RIMS2: variants seen among roughly 807,000 people sequenced by gnomAD.
The protein encoded by RIMS2 is regulating synaptic membrane exocytosis 2, also known as regulating synaptic membrane exocytosis protein 2.
In RIMS2, 59 loss-of-function variants were observed where a neutral mutation model predicts 174.4. The ratio of observed to expected loss-of-function variants is 0.34; its 90% CI spans 0.27 to 0.42. The LOEUF is 0.42. Among genes scored for constraint, RIMS2 ranks in the 10% least tolerant of loss-of-function variants. The pLI, the probability that RIMS2 is intolerant of heterozygous loss-of-function variation, is 1.00. For synonymous variants in RIMS2, 606 were observed against 572.5 expected, an observed-to-expected ratio of 1.06 and a Z score of -0.84; for missense variants, 1,620 against 1,666.3, an observed-to-expected ratio of 0.97 and a Z score of 0.48.
At chr8:103,850,382 A>G (rs1593763114) in intron 3 of RIMS2, among the ~76,000 whole-genome samples, 1 of 151,972 alleles carries the variant, frequency 6.6e-6, no homozygotes, top group African/African-American at 2.4e-5. Flanking sequence ...TGTCAAACAA[A>G]ATTCTTACTC....
chr8:103,723,116 C>CA (rs1335073085), intron 2 of RIMS2, among the ~76,000 whole-genome samples: 2 of 152,094 alleles, frequency 1.3e-5, no homozygotes, highest in African/African-American at 2.4e-5. Context: ...TGTCTCCAAA[C>CA]AAACAAACAA....
chr8:104,233,102 G>A (rs2099240063), intron 19 of RIMS2, among the ~76,000 whole-genome samples: 1 of 152,100 alleles, frequency 6.6e-6, no homozygotes, highest in South Asian at 2.1e-4. Context: ...ATCTATAGAA[G>A]AAATCTAAGG....
chr8:104,240,916 C>G (rs1423150638), intron 19 of RIMS2, among the ~76,000 whole-genome samples: 2 of 152,100 alleles, frequency 1.3e-5, no homozygotes, highest in Non-Finnish European at 2.9e-5. Context: ...TTAATACTCA[C>G]AAAAATTCCT....
At chr8:104,085,969 C>T (rs955372988) in intron 19 of RIMS2, among the ~76,000 whole-genome samples, 8 of 152,006 alleles carry the variant, frequency 5.3e-5, no homozygotes, top group African/African-American at 1.9e-4. Flanking sequence ...TTTTATTAGT[C>T]ATTACTTGGT....
At chr8:103,565,031 T>A (rs2092158426) in intron 1 of RIMS2, among the ~76,000 whole-genome samples, 1 of 152,152 alleles carries the variant, frequency 6.6e-6, no homozygotes, top group African/African-American at 2.4e-5. Context: ...ACTTGGGACT[T>A]TTACTGGGTT....
chr8:104,224,765 A>ATTTTTTTTCTGC lies in RIMS2; in HGVS notation c.3335-20143_3335-20132dup, dbSNP rs1554640869. Among the ~76,000 whole-genome samples the ATTTTTTTTCTGC allele has an allele frequency of 5.3e-5, 8 of 151,928 alleles. No homozygotes were observed. The South Asian group carries it at 1.2e-3, about 24-fold the overall frequency. On this transcript the variant is annotated intron_variant, in intron 19 of 23. Transcript: ENST00000504942. ...GCCCGTTCTAAAAACAGATTGAAAT[A>ATTTTTTTTCTGC]TTTTTTTTCTGCTTTTTTTCCTGAT... is the stretch of plus-strand genomic sequence containing the variant.
chr8:104,053,615 CACTT>C (rs1311360448), intron 19 of RIMS2, among the ~76,000 whole-genome samples: 3 of 152,134 alleles, frequency 2.0e-5, no homozygotes, highest in Non-Finnish European at 2.9e-5. Context: ...ATAATTAAAT[CACTT>C]AGTATAAATT....
chr8:104,164,504 G>T (rs1179624799), intron 19 of RIMS2, among the ~76,000 whole-genome samples: 1 of 152,084 alleles, frequency 6.6e-6, no homozygotes, highest in Non-Finnish European at 1.5e-5. Context: ...AACAATGAAA[G>T]ATATGCCATT....
At chr8:103,847,412 C>T (rs117342558) in intron 3 of RIMS2, among the ~76,000 whole-genome samples, 1,964 of 152,186 alleles carry the variant, frequency 0.013, 13 homozygotes, top group Middle Eastern at 0.027. Context: ...TGCTATCAGA[C>T]TAAAGAGTTC....
At chr8:103,968,839 A>G (rs986871465) in intron 15 of RIMS2, among the ~76,000 whole-genome samples, 4 of 151,924 alleles carry the variant, frequency 2.6e-5, no homozygotes, top group South Asian at 4.2e-4. Context: ...ATTCTGACCT[A>G]TATCTTTTTC....
chr8:103,932,644 A>G (rs2080232458), intron 12 of RIMS2, among the ~76,000 whole-genome samples: 1 of 152,192 alleles, frequency 6.6e-6, no homozygotes, highest in African/African-American at 2.4e-5. Context: ...AATTTTGAAG[A>G]GAAACATATT....
In RIMS2 at chr8:103,910,538, A is replaced by C; in HGVS notation, c.1692+337A>C. ...ATAGCCATAGTGATAAGGTACTGAG[A>C]TTGTGGAGCCTGCCTTTTAACCTGC... On this transcript the variant is annotated intron_variant, in intron 5 of 23. Transcript: ENST00000504942. The C allele has an allele frequency of 6.5e-7, 1 of 1,547,652 alleles. No homozygotes were observed. The highest frequency in any genetic ancestry group is 8.8e-7 in the Non-Finnish European group (1 of 1,134,430).
chr8:103,661,784 C>A (rs2096604397), intron 1 of RIMS2, among the ~76,000 whole-genome samples: 1 of 152,168 alleles, frequency 6.6e-6, no homozygotes, highest in Non-Finnish European at 1.5e-5. Context: ...GGATTACAGG[C>A]GTGAGCCACT....
At chr8:103,660,270 C>G (rs991951239) in intron 1 of RIMS2, among the ~76,000 whole-genome samples, 1 of 152,218 alleles carries the variant, frequency 6.6e-6, no homozygotes, top group African/African-American at 2.4e-5. Context: ...GGCTGCTTGC[C>G]GTGCCCTGCA....
intron 19 of RIMS2, among the ~76,000 whole-genome samples, chr8:104,020,441 T>A (rs1361831667): frequency 6.6e-6 from 1 of 152,060 alleles, no homozygotes; most frequent in Non-Finnish European, 1.5e-5. Flanking sequence ...TAAGTATTAG[T>A]CTCAATTTAA....
chr8:103,618,821 T>A (rs567968692), intron 1 of RIMS2, among the ~76,000 whole-genome samples: 1 of 152,236 alleles, frequency 6.6e-6, no homozygotes, highest in Non-Finnish European at 1.5e-5. Context: ...AATGAGAGTT[T>A]TCTCTGAGGG....
At chr8:103,986,899 T>TA (rs146609984) in intron 16 of RIMS2, among the ~76,000 whole-genome samples, 19,984 of 145,126 alleles carry the variant, frequency 0.14, 1,655 homozygotes, top group Non-Finnish European at 0.2. Context: ...AAAATAAAAT[T>TA]AAAAAAAAAA....
At chr8:103,826,639 T>C (rs1228326082) in intron 3 of RIMS2, among the ~76,000 whole-genome samples, 2 of 150,940 alleles carry the variant, frequency 1.3e-5, no homozygotes, top group Non-Finnish European at 3.0e-5. Context: ...TTTGTTCTTT[T>C]TGTCCAATAG....
rs1280895107 is a variant in RIMS2 at position 103,620,465 on chromosome 8, T to A, written c.177-76621T>A. Among the ~76,000 whole-genome samples, 13 of 152,312 alleles carry A rather than the reference T, an allele frequency of 8.5e-5. 1 individual carries two copies. In the East Asian group the frequency reaches 2.5e-3, roughly 29 times the overall value. ...AAAAAAATGCCTAAATTTCTATGACTACTTACTCAAGCTTATCATTATTAG... is the reference window on the plus strand; with the variant it reads ...AAAAAAATGCCTAAATTTCTATGACAACTTACTCAAGCTTATCATTATTAG... On this transcript the variant is annotated intron_variant, in intron 1 of 23. Coordinates refer to ENST00000504942, the Ensembl canonical transcript of RIMS2.
Sources: allele counts gnomAD v4.1 joint callset (sites outside exome capture counted in the v4.1 genomes callset), GRCh38; gene constraint gnomAD v4.1.1; transcripts MANE v1.5; gene names NCBI Gene and HGNC (gene_info 2026-07-23, HGNC 2026-07-21).